The following RGS20 variants were observed in gnomAD, a reference collection of about 807,000 sequenced individuals.
The protein encoded by RGS20 is gz-selective GTPase-activating protein.
A neutral mutation model predicts 33.6 loss-of-function variants in RGS20; 30 were observed. The observed-to-expected ratio is 0.89, with a 90% confidence interval of 0.67 to 1.21. The LOEUF (loss-of-function observed/expected upper bound fraction) is 1.21, where lower values mean the gene tolerates loss of function less well. Ranked by LOEUF, RGS20 falls within the 50% of genes most tolerant of loss-of-function variation. The pLI is 0.00. For synonymous variants in RGS20, 208 were observed against 197.9 expected (o/e 1.05, Z -0.43); for missense variants, 472 against 502.4 (o/e 0.94, Z 0.58).
intron 2 of RGS20, among the ~76,000 whole-genome samples, chr8:53,930,193 A>G (rs1402431705): frequency 2.0e-5 from 3 of 152,222 alleles, no homozygotes; most frequent in African/African-American, 7.2e-5. Context: ...TAAAGAATGA[A>G]CAGAAAAATT....
Position 53,880,939 on chromosome 8 carries a change from A to G in RGS20, c.510+1337A>G, listed in dbSNP as rs568956125. 18 of 1,558,788 alleles carry G rather than the reference A, an allele frequency of 1.2e-5. No homozygotes were observed. In the African/African-American group the frequency reaches 2.2e-4, roughly 19 times the overall value. ...AAGACCGAGAGCCGGAGAAAGGCGA[A>G]AGGCGCGGTGAGCAATCGCCGACGT... is the stretch of plus-strand genomic sequence containing the variant. On this transcript the variant is annotated intron_variant, in intron 2 of 5. Transcript: ENST00000297313.
intron 1 of RGS20, among the ~76,000 whole-genome samples, chr8:53,862,491 G>T (rs1379408054): frequency 6.6e-6 from 1 of 152,116 alleles, no homozygotes; most frequent in Non-Finnish European, 1.5e-5. Context: ...GCGTTCCTTG[G>T]TTCTGTCTTC....
chr8:53,909,834 G>C (rs1813305754), intron 2 of RGS20, among the ~76,000 whole-genome samples: 1 of 152,162 alleles, frequency 6.6e-6, no homozygotes, highest in Admixed American at 6.5e-5. Flanking sequence ...ACTTTTGACT[G>C]ATGTGGAAGG....
chr8:53,862,763 C>T (rs1811837105), intron 1 of RGS20, among the ~76,000 whole-genome samples: 1 of 152,196 alleles, frequency 6.6e-6, no homozygotes, highest in African/African-American at 2.4e-5. Flanking sequence ...CATGCCACTA[C>T]ACTCCAGCCT....
intron 1 of RGS20, among the ~76,000 whole-genome samples, chr8:53,878,126 G>A (rs563339396): frequency 6.6e-6 from 1 of 152,128 alleles, no homozygotes; most frequent in African/African-American, 2.4e-5. Context: ...CATTTTTTTT[G>A]GCAACCACCG....
At chr8:53,873,615 A>G (rs1376443258) in intron 1 of RGS20, among the ~76,000 whole-genome samples, 2 of 152,196 alleles carry the variant, frequency 1.3e-5, no homozygotes, top group Non-Finnish European at 2.9e-5. Context: ...TTTTTAATTC[A>G]TCTATCCAAC....
At chr8:53,881,820 A>G (rs912945949) in intron 2 of RGS20, among the ~76,000 whole-genome samples, 1 of 152,038 alleles carries the variant, frequency 6.6e-6, no homozygotes, top group African/African-American at 2.4e-5. Context: ...CGGGCACTTG[A>G]TCTTCCGCAC....
intron 2 of RGS20, among the ~76,000 whole-genome samples, chr8:53,919,429 C>G (rs1341859298): frequency 2.6e-5 from 4 of 151,848 alleles, no homozygotes; most frequent in Non-Finnish European, 5.9e-5. Context: ...GCAACCTCCG[C>G]CTCCCAGGTT....
rs143521204 is a variant in RGS20, at chr8:53,872,410, CT to C, written c.166-6846del. Reference sequence around the variant, plus strand: ...AAATCCTTACCATGATTTGGTTGCCCTTATTCAGGCTATATGGACCCTTAAT... The same window carrying C: ...AAATCCTTACCATGATTTGGTTGCCCTATTCAGGCTATATGGACCCTTAAT... On this transcript the variant is annotated intron_variant, in intron 1 of 5. Coordinates refer to ENST00000297313, the MANE Select transcript of RGS20 (RefSeq NM_170587.4). 5.2e-3 allele frequency among the ~76,000 whole-genome samples: 787 copies of C among 152,282 alleles called. 6 individuals carry two copies. The highest frequency in any genetic ancestry group is 0.018 in the African/African-American group (749 of 41,532).
chr8:53,890,624 T>A (rs1285972407), intron 2 of RGS20, among the ~76,000 whole-genome samples: 2 of 152,176 alleles, frequency 1.3e-5, no homozygotes, highest in African/African-American at 2.4e-5. Context: ...ATGGGTCAGA[T>A]CTGGTAACAG....
At chr8:53,937,431 T>C (rs1814168163) in intron 2 of RGS20, among the ~76,000 whole-genome samples, 1 of 151,990 alleles carries the variant, frequency 6.6e-6, no homozygotes, top group South Asian at 2.1e-4. Flanking sequence ...ATAAAAACCC[T>C]AGAAGAAAAC....
At chr8:53,880,828 G>A in intron 2 of RGS20, 44 bp from the exon 1 acceptor site, 1 of 1,374,068 alleles carries the variant, frequency 7.3e-7, no homozygotes, top group Non-Finnish European at 9.4e-7. Flanking sequence ...CGAGACGTGG[G>A]ATTGCCCGGC....
chr8:53,882,603 C>T (rs1812424024), intron 2 of RGS20, among the ~76,000 whole-genome samples: 1 of 150,132 alleles, frequency 6.7e-6, no homozygotes, highest in Non-Finnish European at 1.5e-5. Flanking sequence ...AAGCTCGCGC[C>T]ACTGCCCTCC....
chr8:53,901,136 C>T (rs1178549620), intron 2 of RGS20, among the ~76,000 whole-genome samples: 5 of 148,730 alleles, frequency 3.4e-5, no homozygotes, highest in African/African-American at 1.2e-4. Flanking sequence ...CAATCAATCT[C>T]AGCTCACTAC....
At chr8:53,901,404 C>G (rs1400413511) in intron 2 of RGS20, among the ~76,000 whole-genome samples, 2 of 152,128 alleles carry the variant, frequency 1.3e-5, no homozygotes, top group Non-Finnish European at 2.9e-5. Flanking sequence ...TGTTTCATCT[C>G]TCACTGGGAT....
At chr8:53,878,389 T>A (rs959170416) in intron 1 of RGS20, among the ~76,000 whole-genome samples, 3 of 152,046 alleles carry the variant, frequency 2.0e-5, no homozygotes, top group African/African-American at 7.3e-5. Context: ...CAAGGTTGAG[T>A]GTAGAACCGT....
intron 4 of RGS20, among the ~76,000 whole-genome samples, chr8:53,953,374 A>G (rs1814765812): frequency 6.6e-6 from 1 of 152,116 alleles, no homozygotes; most frequent in African/African-American, 2.4e-5. Flanking sequence ...ACAAAAAGTT[A>G]GCTGGGCGTG....
intron 1 of RGS20, among the ~76,000 whole-genome samples, chr8:53,859,681 G>T (rs1006302042): frequency 6.6e-6 from 1 of 152,162 alleles, no homozygotes; most frequent in Admixed American, 6.5e-5. Context: ...CCCGAGACTG[G>T]TTGATATATA....
intron 5 of RGS20, among the ~76,000 whole-genome samples, chr8:53,957,707 GTC>G (rs947470622): frequency 6.6e-6 from 1 of 152,352 alleles, no homozygotes; most frequent in Admixed American, 6.5e-5. Flanking sequence ...CACCTACTGA[GTC>G]TGGGGTGGGG....
Sources: allele counts gnomAD v4.1 joint callset (sites outside exome capture counted in the v4.1 genomes callset), GRCh38; gene constraint gnomAD v4.1.1; transcripts MANE v1.5; gene names NCBI Gene and HGNC (gene_info 2026-07-23, HGNC 2026-07-21).